CAMTA1: variants seen among roughly 807,000 people sequenced by gnomAD.
The protein encoded by CAMTA1 is calmodulin binding transcription activator 1, also known as calmodulin-binding transcription activator 1.
Under a neutral mutation model 170.9 loss-of-function variants are expected in CAMTA1, and 27 were observed. That is an observed-to-expected ratio of 0.16 (90% CI 0.12 to 0.22). The LOEUF is 0.22. CAMTA1 is among the 10% of genes least tolerant of loss of function. The probability of loss-of-function intolerance (pLI) is 1.00; values close to 1 mark genes in which losing one functional copy is unlikely to be tolerated. For synonymous variants in CAMTA1, 833 were observed against 891.5 expected (o/e 0.93, Z 1.17); for missense variants, 1,619 against 2,217.2 (o/e 0.73, Z 5.42).
chr1:7,088,115 C>T (rs1197660559), intron 3 of CAMTA1, among the ~76,000 whole-genome samples: 3 of 152,154 alleles, frequency 2.0e-5, no homozygotes, highest in African/African-American at 7.2e-5. Context: ...CAGTCGATGG[C>T]GGGTGAGTCC....
chr1:7,220,940 C>A (rs1421902481), intron 4 of CAMTA1, among the ~76,000 whole-genome samples: 1 of 152,230 alleles, frequency 6.6e-6, no homozygotes, highest in Non-Finnish European at 1.5e-5. Context: ...CTAGGGCCCT[C>A]CAGCTGGGCC....
intron 4 of CAMTA1, among the ~76,000 whole-genome samples, chr1:7,199,311 C>A (rs1367043924): frequency 1.3e-5 from 2 of 152,222 alleles, no homozygotes; most frequent in Non-Finnish European, 2.9e-5. Context: ...CAGTTCCAAG[C>A]GGAGGGTAAA....
chr1:7,155,981 G>A (rs1366736239), intron 4 of CAMTA1, among the ~76,000 whole-genome samples: 7 of 152,070 alleles, frequency 4.6e-5, no homozygotes, highest in Non-Finnish European at 8.8e-5. Context: ...GAGCAGGCGC[G>A]GTGGCTCACA....
intron 4 of CAMTA1, among the ~76,000 whole-genome samples, chr1:7,169,780 A>G (rs961069319): frequency 6.6e-6 from 1 of 152,198 alleles, no homozygotes; most frequent in South Asian, 2.1e-4. Context: ...GCTCTCTTCA[A>G]CTTCTCAAAG....
At chr1:6,951,289 G>T (rs1688444869) in intron 3 of CAMTA1, among the ~76,000 whole-genome samples, 1 of 152,134 alleles carries the variant, frequency 6.6e-6, no homozygotes, top group Non-Finnish European at 1.5e-5. Flanking sequence ...CATTCAATAG[G>T]TATTGAATCT....
rs74051040 is a variant in CAMTA1, at chr1:6,898,824, C to G, written c.234+73614C>G. ...GCCTGATACCAAGAAGGACCTCCAG[C>G]CTCTTGTTGCCTAGCCGACCTCCAA... On this transcript the variant is annotated intron_variant, in intron 3 of 22. Coordinates refer to ENST00000303635, the MANE Select transcript of CAMTA1 (RefSeq NM_015215.4). Among the ~76,000 whole-genome samples the G allele has an allele frequency of 2.6e-3, 398 of 152,352 alleles. 1 individual carries two copies. Among genetic ancestry groups the G allele is most frequent in the African/African-American group, 9.3e-3 (385 of 41,576 alleles).
chr1:7,287,330 C>T (rs992920731), intron 5 of CAMTA1, among the ~76,000 whole-genome samples: 3 of 152,158 alleles, frequency 2.0e-5, no homozygotes, highest in Admixed American at 1.3e-4. Flanking sequence ...GGTCTCAAAT[C>T]GGATGTCATC....
At chr1:6,877,481 G>T (rs1303934940) in intron 3 of CAMTA1, among the ~76,000 whole-genome samples, 1 of 152,174 alleles carries the variant, frequency 6.6e-6, no homozygotes, top group African/African-American at 2.4e-5. Context: ...TGAAGGAAAA[G>T]TCGGCAACGC....
chr1:7,706,815 A>G (rs539974029), intron 11 of CAMTA1, among the ~76,000 whole-genome samples: 2 of 152,254 alleles, frequency 1.3e-5, no homozygotes, highest in South Asian at 4.2e-4. Flanking sequence ...CTCGTTAATA[A>G]CAGTCTTGTT....
chr1:6,938,819 T>C (rs1280533629), intron 3 of CAMTA1, among the ~76,000 whole-genome samples: 1 of 152,182 alleles, frequency 6.6e-6, no homozygotes, highest in African/African-American at 2.4e-5. Context: ...ACCAGTATTA[T>C]GGCTTCATGC....
intron 5 of CAMTA1, among the ~76,000 whole-genome samples, chr1:7,313,297 T>C (rs1002134392): frequency 6.6e-6 from 1 of 152,222 alleles, no homozygotes; most frequent in African/African-American, 2.4e-5. Context: ...CCCTCTCCCA[T>C]ATCCAGTTCC....
intron 3 of CAMTA1, among the ~76,000 whole-genome samples, chr1:7,051,917 T>C (rs1168268077): frequency 6.6e-6 from 1 of 152,144 alleles, no homozygotes; most frequent in East Asian, 1.9e-4. Context: ...TGTGTTTCCT[T>C]GGGAACCTGC....
At chr1:6,893,866 A>G (rs1038769043) in intron 3 of CAMTA1, among the ~76,000 whole-genome samples, 2 of 152,240 alleles carry the variant, frequency 1.3e-5, no homozygotes, top group Non-Finnish European at 2.9e-5. Context: ...ATAAATGACC[A>G]AAAATATCAA....
chr1:7,365,931 C>T (rs74360997), intron 5 of CAMTA1, among the ~76,000 whole-genome samples: 2,529 of 152,316 alleles, frequency 0.017, 60 homozygotes, highest in African/African-American at 0.058. Context: ...CATCAGCTTC[C>T]TGCGTCTGAA....
At chr1:7,316,982 A>AATTCCGTC (rs1557503284) in intron 5 of CAMTA1, among the ~76,000 whole-genome samples, 1 of 152,166 alleles carries the variant, frequency 6.6e-6, no homozygotes, top group East Asian at 1.9e-4. Flanking sequence ...CTTCGAAGCA[A>AATTCCGTC]ATTCCGTCCT....
chr1:7,055,709 C>T (rs1707218637), intron 3 of CAMTA1, among the ~76,000 whole-genome samples: 2 of 152,220 alleles, frequency 1.3e-5, no homozygotes, highest in African/African-American at 2.4e-5. Flanking sequence ...GCGGCAGCAT[C>T]ACAGTGGGAG....
At chr1:7,033,204 T>C in intron 3 of CAMTA1, among the ~76,000 whole-genome samples, 1 of 152,224 alleles carries the variant, frequency 6.6e-6, no homozygotes, top group East Asian at 1.9e-4. Flanking sequence ...TTGTTGCAGA[T>C]ACTCTATTCA....
At chr1:7,351,201 C>T (rs1012287415) in intron 5 of CAMTA1, among the ~76,000 whole-genome samples, 1 of 152,250 alleles carries the variant, frequency 6.6e-6, no homozygotes, top group East Asian at 1.9e-4. Flanking sequence ...TCCATGGCCT[C>T]ACGCTTTTCC....
At chr1:6,921,999 C>T (rs1231041260) in intron 3 of CAMTA1, among the ~76,000 whole-genome samples, 1 of 152,128 alleles carries the variant, frequency 6.6e-6, no homozygotes, top group African/African-American at 2.4e-5. Context: ...TTGTCAGCTA[C>T]TGTATCATCA....
Sources: gnomAD v4.1 joint callset for allele counts (sites outside exome capture counted in the v4.1 genomes callset) on GRCh38, gnomAD v4.1.1 for gene constraint, MANE v1.5 for transcripts, NCBI Gene and HGNC (gene_info 2026-07-23, HGNC 2026-07-21) for gene names.